B3GLCT: variants seen among roughly 807,000 people sequenced by gnomAD.
The protein encoded by B3GLCT is beta-1,3-glucosyltransferase.
In B3GLCT, 65 loss-of-function variants were observed where a neutral mutation model predicts 63.4. That is an observed-to-expected ratio of 1.03 (90% confidence interval 0.84 to 1.26). B3GLCT has a LOEUF of 1.26. Ranked by LOEUF, B3GLCT falls within the 50% of genes most tolerant of loss-of-function variation. The pLI is 0.00. For missense variants in B3GLCT, 577 were observed against 604.8 expected, an observed-to-expected ratio of 0.95 and a Z score of 0.48; for synonymous variants, 233 against 219.2, an observed-to-expected ratio of 1.06 and a Z score of -0.55.
At position 31,214,665 on chromosome 13, in the gene B3GLCT, G is replaced by T. The variant is rs184209496; in HGVS notation, c.71-386G>T. Among the ~76,000 whole-genome samples, 156 of 152,298 alleles carry T rather than the reference G, an allele frequency of 1.0e-3. 3 individuals carry two copies. In the East Asian group the frequency reaches 0.012, roughly 11 times the overall value. On this transcript the variant is annotated intron_variant, in intron 1 of 14. Transcript: ENST00000343307. ...GCAGTGATTTTGAGGGTGAGAATCT[G>T]TACTTCTTCCTCCTGGATTCTCAGG...
chr13:31,232,497 A>C lies in B3GLCT; in HGVS notation c.270+3203A>C, dbSNP rs1251518086. Among the ~76,000 whole-genome samples, 4 of 152,192 alleles carry C rather than the reference A, an allele frequency of 2.6e-5. No individual in the cohort carries two copies. In the East Asian group the frequency reaches 7.7e-4, roughly 29 times the overall value. On this transcript the variant is annotated intron_variant, in intron 4 of 14. Transcript: ENST00000343307. Reference sequence around the variant, plus strand: ...ACTCACTCTCCTCACGACAGTACCAAGGGGGATGATGTTAAACCATGAGAA... The same window carrying C: ...ACTCACTCTCCTCACGACAGTACCACGGGGGATGATGTTAAACCATGAGAA...
intron 6 of B3GLCT, among the ~76,000 whole-genome samples, chr13:31,254,137 A>G (rs1323332198): frequency 6.6e-6 from 1 of 152,218 alleles, no homozygotes; most frequent in Non-Finnish European, 1.5e-5. Context: ...AAACTACTCC[A>G]AACAATAGAA....
At chr13:31,268,714 G>A (rs978041008) in intron 7 of B3GLCT, among the ~76,000 whole-genome samples, 11 of 152,196 alleles carry the variant, frequency 7.2e-5, no homozygotes, top group African/African-American at 2.7e-4. Context: ...AGGAGTTTGG[G>A]GCTTTATTCT....
intron 3 of B3GLCT, among the ~76,000 whole-genome samples, chr13:31,227,345 C>T (rs1374928324): frequency 2.6e-5 from 4 of 152,062 alleles, no homozygotes; most frequent in Non-Finnish European, 5.9e-5. Flanking sequence ...AAAAATTATT[C>T]TCTGAGGCTT....
intron 4 of B3GLCT, 72 bp from the exon 5 acceptor site, chr13:31,246,951 C>CTTTTTTTTTTTTTTTTTTTTTTTT (rs66466340): frequency 9.0e-6 from 7 of 779,676 alleles, no homozygotes; most frequent in African/African-American, 3.9e-5. Flanking sequence ...CTTTTCTTTT[C>CTTTTTTTTTTTTTTTTTTTTTTTT]TTTTTTTTTT....
intron 12 of B3GLCT, among the ~76,000 whole-genome samples, chr13:31,296,257 G>A (rs7334532): frequency 0.2 from 29,703 of 152,138 alleles, 2,923 homozygotes; most frequent in East Asian, 0.21. Flanking sequence ...GTTCCTATTT[G>A]GCCATCTTGC....
At position 31,238,568 on chromosome 13, in the gene B3GLCT, G is replaced by A. The variant is rs189934595; in HGVS notation, c.271-8455G>A. Among the ~76,000 whole-genome samples the A allele has an allele frequency of 4.0e-3, 602 of 152,242 alleles. 10 individuals carry two copies. Among genetic ancestry groups the A allele is most frequent in the Non-Finnish European group, 5.0e-4 (34 of 68,004 alleles). On this transcript the variant is annotated intron_variant, in intron 4 of 14. Transcript: ENST00000343307. ...GGAATTTAGTAGAATGCGTATTCTC[G>A]TTTTTATAAAGTAGATGGTAACTAT... is the stretch of plus-strand genomic sequence containing the variant.
At chr13:31,317,741 A>G in intron 13 of B3GLCT, 56 bp downstream of exon 13, 5 of 1,609,202 alleles carry the variant, frequency 3.1e-6, no homozygotes, top group Non-Finnish European at 1.7e-6. Flanking sequence ...CCCTTTCCAC[A>G]CGAGAGGTAG....
intron 8 of B3GLCT, among the ~76,000 whole-genome samples, chr13:31,270,695 C>T (rs1380557081): frequency 6.6e-6 from 1 of 152,174 alleles, no homozygotes; most frequent in Admixed American, 6.5e-5. Flanking sequence ...TGAATTCTCT[C>T]CCTCTCCCTT....
Position 31,199,981 on chromosome 13 carries a change from G to A in B3GLCT, c.-104G>A, listed in dbSNP as rs1868537069. 3.1e-6 allele frequency: 2 copies of A among 638,086 alleles called. No homozygotes were observed. Among genetic ancestry groups the A allele is most frequent in the Non-Finnish European group, 4.3e-6 (2 of 468,372 alleles). 39.5% of individuals were successfully genotyped at this position (638,086 alleles called of 1,614,324 possible). A position where few individuals can be genotyped will look rare whatever the true frequency, so the allele number is the denominator to read the frequency against. On this transcript the variant is annotated 5_prime_UTR_variant, in exon 1 of 15. Transcript: ENST00000343307. ...AGGGAGGAGGGGAGCCGGCAGAGAA[G>A]GGTCAGCCGCGGCGGCAGGGCGGCG...
intron 14 of B3GLCT, among the ~76,000 whole-genome samples, chr13:31,325,087 A>G (rs1180559993): frequency 2.0e-5 from 3 of 152,246 alleles, no homozygotes; most frequent in Middle Eastern, 3.2e-3. Flanking sequence ...ATAGTATACT[A>G]TAGAAAACAA....
At chr13:31,223,131 A>G (rs1019139632) in intron 3 of B3GLCT, 140 bp downstream of exon 3, 10 of 656,358 alleles carry the variant, frequency 1.5e-5, no homozygotes, top group Non-Finnish European at 2.4e-5. Context: ...GGCCCAGCCT[A>G]ACGTTTGCTC....
intron 2 of B3GLCT, among the ~76,000 whole-genome samples, chr13:31,222,408 G>A (rs1869860039): frequency 6.6e-6 from 1 of 152,146 alleles, no homozygotes; most frequent in Non-Finnish European, 1.5e-5. Context: ...ACCACCATAG[G>A]CTGGCCTCTG....
intron 4 of B3GLCT, among the ~76,000 whole-genome samples, chr13:31,235,365 C>T (rs1870595887): frequency 6.6e-6 from 1 of 152,060 alleles, no homozygotes. Flanking sequence ...TAGGTAGTGG[C>T]TAGAAGCTTG....
intron 14 of B3GLCT, among the ~76,000 whole-genome samples, chr13:31,326,651 G>A (rs1440771891): frequency 6.6e-6 from 1 of 152,046 alleles, no homozygotes; most frequent in African/African-American, 2.4e-5. Context: ...CTCTGTGTCT[G>A]TTCCTCAAGT....
Position 31,276,675 on chromosome 13 carries a change from A to G in B3GLCT, c.781-27A>G, listed in dbSNP as rs376456091. 1.1e-5 allele frequency: 17 copies of G among 1,513,726 alleles called. No homozygotes were observed. In the African/African-American group the frequency reaches 1.5e-4, roughly 13 times the overall value. The allele number at this position is 1,513,726 out of a possible 1,614,324, so 93.8% of individuals were successfully genotyped here. On this transcript the variant is annotated intron_variant, in intron 9 of 14. Coordinates refer to ENST00000343307, the MANE Select transcript of B3GLCT (RefSeq NM_194318.4). ...GAAGTTAACGCTGACTCACATATGC[A>G]TACATTTTTTCTTTTCTTTTTTTTA...
intron 6 of B3GLCT, among the ~76,000 whole-genome samples, chr13:31,256,038 C>G (rs1393836329): frequency 6.6e-6 from 1 of 152,068 alleles, no homozygotes; most frequent in African/African-American, 2.4e-5. Flanking sequence ...TTTTTGCAAT[C>G]TATCCATCTG....
intron 1 of B3GLCT, among the ~76,000 whole-genome samples, chr13:31,208,096 TGTACTCTGTACACAGTACAAA>T (rs937471253): frequency 9.9e-5 from 15 of 151,952 alleles, no homozygotes; most frequent in Middle Eastern, 3.4e-3. Flanking sequence ...CTTTGTACTT[TGTACTCTGTACACAGTACAAA>T]GTACTCTGTA....
chr13:31,239,344 G>C (rs1392883761), intron 4 of B3GLCT, among the ~76,000 whole-genome samples: 1 of 152,128 alleles, frequency 6.6e-6, no homozygotes, highest in East Asian at 1.9e-4. Flanking sequence ...AATGTGAAGT[G>C]ATCGAGACTG....
Sources: gnomAD v4.1 joint callset for allele counts (sites outside exome capture counted in the v4.1 genomes callset) on GRCh38, gnomAD v4.1.1 for gene constraint, MANE v1.5 for transcripts, NCBI Gene and HGNC (gene_info 2026-07-23, HGNC 2026-07-21) for gene names.